GRID1: variants seen among roughly 807,000 people sequenced by gnomAD.
GRID1 encodes the protein glutamate receptor ionotropic, delta-1.
Under a neutral mutation model 98.0 loss-of-function variants are expected in GRID1, and 28 were observed. The ratio of observed to expected loss-of-function variants is 0.29; its 90% confidence interval spans 0.21 to 0.39. GRID1 has a LOEUF of 0.39. GRID1 is among the 10% of genes least tolerant of loss of function. GRID1 has a pLI of 1.00. For missense variants in GRID1, 1,111 were observed against 1,340.5 expected (o/e 0.83, Z 2.67); for synonymous variants, 553 against 538.5 (o/e 1.03, Z -0.37).
At chr10:85,781,706 G>A (rs951738650) in intron 8 of GRID1, among the ~76,000 whole-genome samples, 16 of 151,866 alleles carry the variant, frequency 1.1e-4, no homozygotes, top group African/African-American at 3.9e-4. Context: ...CTGGCCTCAT[G>A]TTGGGCATTT....
intron 4 of GRID1, among the ~76,000 whole-genome samples, chr10:85,932,140 C>T (rs1310619703): frequency 6.6e-6 from 1 of 152,218 alleles, no homozygotes; most frequent in Non-Finnish European, 1.5e-5. Context: ...GCTCACCCCA[C>T]AATAGTATCT....
At chr10:86,229,169 C>G (rs895923470) in intron 2 of GRID1, among the ~76,000 whole-genome samples, 6 of 152,168 alleles carry the variant, frequency 3.9e-5, no homozygotes, top group African/African-American at 1.4e-4. Context: ...AGCCATGTGC[C>G]TCTGTGCCTC....
At chr10:85,777,961 A>G (rs1157581690) in intron 8 of GRID1, among the ~76,000 whole-genome samples, 1 of 152,238 alleles carries the variant, frequency 6.6e-6, no homozygotes, top group Non-Finnish European at 1.5e-5. Flanking sequence ...GTATTTCTGT[A>G]CATGGTCTAT....
At chr10:85,798,897 T>G (rs1014581762) in intron 8 of GRID1, among the ~76,000 whole-genome samples, 3 of 152,124 alleles carry the variant, frequency 2.0e-5, no homozygotes, top group Admixed American at 1.3e-4. Context: ...TTGTCTTTTT[T>G]TTGAGGTCTT....
chr10:86,064,762 T>C lies in GRID1; in HGVS notation c.726+74057A>G, dbSNP rs1307520800. ...TCACACTTCCCCACTCAGAGCATCT[T>C]ATTCCAGGCATTTGCACCTGTGGAT... On this transcript the variant is annotated intron_variant, in intron 4 of 15. Transcript: ENST00000327946. Among the ~76,000 whole-genome samples the C allele has an allele frequency of 3.3e-5, 5 of 152,200 alleles. No individual in the cohort carries two copies. The South Asian group carries it at 6.2e-4, about 19-fold the overall frequency.
intron 3 of GRID1, among the ~76,000 whole-genome samples, chr10:86,204,450 C>A (rs74149224): frequency 6.6e-6 from 1 of 152,256 alleles, no homozygotes; most frequent in South Asian, 2.1e-4. Flanking sequence ...GAGGGCAGGA[C>A]GAGCATGTCT....
At chr10:86,028,295 G>A (rs1843142003) in intron 4 of GRID1, among the ~76,000 whole-genome samples, 1 of 152,136 alleles carries the variant, frequency 6.6e-6, no homozygotes, top group Non-Finnish European at 1.5e-5. Context: ...TGCTGTTTGG[G>A]GGCAACTCTA....
At chr10:85,954,856 T>C (rs1842169369) in intron 4 of GRID1, among the ~76,000 whole-genome samples, 1 of 152,230 alleles carries the variant, frequency 6.6e-6, no homozygotes, top group Non-Finnish European at 1.5e-5. Context: ...CGAGCCATAG[T>C]TCAGTTCCCC....
intron 4 of GRID1, among the ~76,000 whole-genome samples, chr10:85,996,773 G>A (rs904006235): frequency 1.7e-4 from 25 of 149,270 alleles, no homozygotes; most frequent in Admixed American, 1.3e-3. Context: ...AGGTTGCAGT[G>A]AGCTGAGATC....
At chr10:85,887,067 T>C (rs1841127493) in intron 5 of GRID1, among the ~76,000 whole-genome samples, 1 of 152,170 alleles carries the variant, frequency 6.6e-6, no homozygotes, top group African/African-American at 2.4e-5. Context: ...GTAGAGAAAC[T>C]TCAGGCAAGG....
intron 2 of GRID1, among the ~76,000 whole-genome samples, chr10:86,230,560 G>A (rs960184893): frequency 3.9e-5 from 6 of 152,210 alleles, no homozygotes; most frequent in Admixed American, 6.5e-5. Context: ...AGCCTGGAGC[G>A]AGGAAACATG....
Position 85,724,565 on chromosome 10 carries a change from C to T in GRID1, c.1645G>A (p.Glu549Lys), listed in dbSNP as rs371004026. The part of the protein sequence containing the change: ...YSVGILIKKP[E>K]EKISIFSLFA... ...AGGGAGAAGATGCTGATTTTCTCCTCGGGCTTCTTAATTAGAATCCCCACT... is the reference window on the plus strand; with the variant it reads ...AGGGAGAAGATGCTGATTTTCTCCTTGGGCTTCTTAATTAGAATCCCCACT... The change falls in exon 11 of 16, where the codon GAG becomes AAG. Residue 549 changes from glutamate (E) to lysine (K), a missense_variant. This residue lies in a region of GRID1 where 762 missense variants were observed against 869.1 expected (regional missense o/e 0.88). Transcript: ENST00000327946. 30 of 1,613,422 alleles carry T rather than the reference C, an allele frequency of 1.9e-5. 1 individual carries two copies. Among genetic ancestry groups the T allele is most frequent in the African/African-American group, 8.0e-5 (6 of 74,912 alleles).
At chr10:85,663,927 C>G (rs1840992912) in intron 12 of GRID1, among the ~76,000 whole-genome samples, 2 of 152,266 alleles carry the variant, frequency 1.3e-5, no homozygotes, top group Admixed American at 6.5e-5. Context: ...TCTATACTCC[C>G]TGCTGGATGA....
At chr10:86,323,360 C>G (rs2132097092) in intron 2 of GRID1, among the ~76,000 whole-genome samples, 1 of 152,330 alleles carries the variant, frequency 6.6e-6, no homozygotes, top group Non-Finnish European at 1.5e-5. Context: ...AGCACTGGTG[C>G]AGAGCACACA....
At chr10:85,836,388 A>G (rs1050633176) in intron 8 of GRID1, among the ~76,000 whole-genome samples, 2 of 152,050 alleles carry the variant, frequency 1.3e-5, no homozygotes, top group Non-Finnish European at 2.9e-5. Context: ...CACAAGCTAG[A>G]TTGAAGAGGG....
chr10:85,767,430 C>G (rs751215639), intron 8 of GRID1, among the ~76,000 whole-genome samples: 1 of 152,056 alleles, frequency 6.6e-6, no homozygotes, highest in Non-Finnish European at 1.5e-5. Context: ...GAATCATATT[C>G]ATTAAAAATT....
chr10:86,046,596 C>A (rs1401652685), intron 4 of GRID1, among the ~76,000 whole-genome samples: 1 of 152,130 alleles, frequency 6.6e-6, no homozygotes, highest in Admixed American at 6.5e-5. Context: ...GTTTATTGCC[C>A]CCCATGAGTT....
chr10:85,817,198 T>A (rs1485503549), intron 8 of GRID1, among the ~76,000 whole-genome samples: 1 of 152,220 alleles, frequency 6.6e-6, no homozygotes, highest in Non-Finnish European at 1.5e-5. Flanking sequence ...GAATGATTTA[T>A]ATTCCTCTGG....
At chr10:86,231,795 G>A (rs1327436285) in intron 2 of GRID1, among the ~76,000 whole-genome samples, 1 of 152,174 alleles carries the variant, frequency 6.6e-6, no homozygotes, top group Non-Finnish European at 1.5e-5. Context: ...GAGACGCAGT[G>A]TCTTCAGTTA....
Sources: allele counts gnomAD v4.1 joint callset (sites outside exome capture counted in the v4.1 genomes callset), GRCh38; gene constraint gnomAD v4.1.1; regional missense constraint gnomAD v4.1.1; transcripts MANE v1.5; gene names NCBI Gene and HGNC (gene_info 2026-07-23, HGNC 2026-07-21).